KLHDC4: variants seen among roughly 807,000 people sequenced by gnomAD.
KLHDC4 encodes the protein kelch domain-containing protein 4.
In KLHDC4, 90 loss-of-function variants were observed where a neutral mutation model predicts 62.4. That is an observed-to-expected ratio of 1.44 (90% CI 1.22 to 1.72). KLHDC4 has a LOEUF of 1.72. Among genes scored for constraint, KLHDC4 ranks in the 40% most tolerant of loss-of-function variants. KLHDC4 has a pLI of 0.00. For synonymous variants in KLHDC4, 386 were observed against 284.4 expected, an observed-to-expected ratio of 1.36 and a Z score of -3.59; for missense variants, 1,025 against 699.7, an observed-to-expected ratio of 1.47 and a Z score of -5.25.
In KLHDC4 at chr16:87,765,968, G is replaced by C. The variant is rs1021483569; in HGVS notation, c.-78C>G. 2.9e-6 allele frequency: 4 copies of C among 1,397,610 alleles called. No homozygotes were observed. Among genetic ancestry groups the C allele is most frequent in the South Asian group, 2.5e-5 (2 of 80,636 alleles). The allele number at this position is 1,397,610 out of a possible 1,614,324, so 86.6% of individuals were successfully genotyped here. ...TCTCCGCTCGGAAACAGGTGCTCGT[G>C]GGGCGGAGCTCGGCGCACAGAAATG... On this transcript the variant is annotated 5_prime_UTR_variant, in exon 1 of 12. Transcript: ENST00000270583.
chr16:87,736,943 G>A (rs2041417605), intron 5 of KLHDC4, among the ~76,000 whole-genome samples: 1 of 151,504 alleles, frequency 6.6e-6, no homozygotes, highest in Non-Finnish European at 1.5e-5. Flanking sequence ...TGGCCAACAT[G>A]GTAAAACCCT....
At chr16:87,765,253 G>A (rs576202507) in intron 1 of KLHDC4, 3 of 456,104 alleles carry the variant, frequency 6.6e-6, no homozygotes, top group Admixed American at 4.7e-5. Context: ...GCCATCAGCT[G>A]CTACGGGATA....
intron 5 of KLHDC4, among the ~76,000 whole-genome samples, chr16:87,747,017 C>T (rs1268479457): frequency 6.6e-6 from 1 of 152,230 alleles, no homozygotes; most frequent in East Asian, 1.9e-4. Flanking sequence ...CAGCTGCCGG[C>T]CCAAGAGAGG....
intron 4 of KLHDC4, among the ~76,000 whole-genome samples, chr16:87,749,735 C>T (rs1395434509): frequency 6.6e-6 from 1 of 152,104 alleles, no homozygotes; most frequent in Non-Finnish European, 1.5e-5. Flanking sequence ...AGGCATGTGA[C>T]ATCATGCCCA....
chr16:87,726,793 A>G lies in KLHDC4; in HGVS notation c.731T>C (p.Ile244Thr). ...TTTCGAGTAGCCCCCATAGACGACG[A>G]TGCCGCCCTGGGGAGTGACGGACAT... ...CQMSVTPQGG[I>T]VVYGGYSKQR... is the part of the protein sequence containing the mutation. Residue 244 changes from isoleucine (I) to threonine (T), a missense_variant, in exon 7 of 12, where the codon ATC becomes ACC. Transcript: ENST00000270583. 2.5e-6 allele frequency: 4 copies of G among 1,598,924 alleles called. No individual in the cohort carries two copies. The highest frequency in any genetic ancestry group is 3.4e-6 in the Non-Finnish European group (4 of 1,173,954).
At chr16:87,734,885 A>C (rs1485329446) in intron 5 of KLHDC4, among the ~76,000 whole-genome samples, 2 of 151,810 alleles carry the variant, frequency 1.3e-5, no homozygotes, top group Non-Finnish European at 2.9e-5. Flanking sequence ...AGAAAACCCC[A>C]CACATGCGGA....
At chr16:87,741,292 G>A (rs2042203683) in intron 5 of KLHDC4, among the ~76,000 whole-genome samples, 2 of 152,244 alleles carry the variant, frequency 1.3e-5, no homozygotes, top group Non-Finnish European at 2.9e-5. Flanking sequence ...CAGAGGCCCA[G>A]GCGCCCTGCT....
chr16:87,762,866 C>T (rs982485542), intron 1 of KLHDC4, among the ~76,000 whole-genome samples: 5 of 152,108 alleles, frequency 3.3e-5, no homozygotes, highest in African/African-American at 1.2e-4. Flanking sequence ...CTGCTTGCAA[C>T]TACACACACC....
chr16:87,739,258 C>A (rs1261480443), intron 5 of KLHDC4, among the ~76,000 whole-genome samples: 1 of 134,990 alleles, frequency 7.4e-6, no homozygotes, highest in African/African-American at 3.0e-5. Flanking sequence ...CATCCACACA[C>A]CAGCATCTCA....
At chr16:87,729,741 C>G (rs2040005753) in intron 6 of KLHDC4, among the ~76,000 whole-genome samples, 2 of 152,210 alleles carry the variant, frequency 1.3e-5, no homozygotes, top group East Asian at 3.9e-4. Flanking sequence ...TATCACTGCT[C>G]TCCCGGACAG....
chr16:87,762,080 G>T (rs367662354), intron 1 of KLHDC4, 40 bp from the exon 2 acceptor site: 1 of 1,604,398 alleles, frequency 6.2e-7, no homozygotes, highest in South Asian at 1.1e-5. Context: ...CTTATTCCCA[G>T]GACCCGCCGC....
At chr16:87,760,026 C>T (rs1404077507) in intron 2 of KLHDC4, among the ~76,000 whole-genome samples, 3 of 152,056 alleles carry the variant, frequency 2.0e-5, no homozygotes, top group East Asian at 3.9e-4. Context: ...GTCATTCTCA[C>T]AAGGTTTTAA....
Position 87,755,193 on chromosome 16 carries a change from C to T in KLHDC4, c.369+1G>A. ...TGGCTGAGAGTCAGTGCTGACATTA[C>T]CTGGTGAGCACAGCGCCTCGGAGGT... On this transcript the variant is annotated splice_donor_variant, in intron 4 of 11. Transcript: ENST00000270583. LOFTEE classifies it high-confidence loss of function. 1 of 1,600,716 alleles carries T rather than the reference C, an allele frequency of 6.2e-7. No individual in the cohort carries two copies. Among genetic ancestry groups the T allele is most frequent in the Non-Finnish European group, 8.6e-7 (1 of 1,168,128 alleles).
downstream of KLHDC4, chr16:87,707,810 G>A (rs2034940125): frequency 6.2e-5 from 24 of 385,884 alleles, no homozygotes; most frequent in South Asian, 4.6e-4. Context: ...CCTCCGCGGT[G>A]GTCTTGTTTC....
intron 4 of KLHDC4, among the ~76,000 whole-genome samples, chr16:87,753,633 C>G (rs144454818): frequency 6.6e-6 from 1 of 150,892 alleles, no homozygotes; most frequent in Non-Finnish European, 1.5e-5. Flanking sequence ...AACCCCGTCT[C>G]TACTGAAAAT....
At chr16:87,701,369 T>A (rs1169875972) in exon 1 of KLHDC4, 1 of 317,472 alleles carries the variant, frequency 3.1e-6, no homozygotes, top group Non-Finnish European at 6.3e-6. Flanking sequence ...AGCTGAATGC[T>A]CCTCCCAAGC....
intron 7 of KLHDC4, among the ~76,000 whole-genome samples, chr16:87,722,175 G>C (rs1218794490): frequency 6.6e-6 from 1 of 152,222 alleles, no homozygotes; most frequent in Non-Finnish European, 1.5e-5. Flanking sequence ...TAGGATACAA[G>C]TCATCATAGT....
At position 87,741,820 on chromosome 16, in the gene KLHDC4, G is replaced by A. The variant is rs151146646; in HGVS notation, c.506+6853C>T. On this transcript the variant is annotated intron_variant, in intron 5 of 11. Coordinates refer to ENST00000270583, the MANE Select transcript of KLHDC4 (RefSeq NM_017566.4). ...GCGCCTCTACCAATATTTAATTCCC[G>A]CCAACTTCACATCCTCGGCTGAAAA... 1.4e-4 allele frequency among the ~76,000 whole-genome samples: 21 copies of A among 152,194 alleles called. No individual in the cohort carries two copies. In the East Asian group the frequency reaches 2.7e-3, roughly 20 times the overall value.
rs201422258 is a variant in KLHDC4 at position 87,709,377 on chromosome 16, G to A, written c.1335C>T (p.Tyr445=). The A allele has an allele frequency of 5.1e-5, 82 of 1,613,456 alleles. No homozygotes were observed. The highest frequency in any genetic ancestry group is 1.6e-4 in the Middle Eastern group (1 of 6,062). Residue 445 remains tyrosine (Y), a synonymous_variant, in exon 10 of 12, where the codon TAC becomes TAT. Transcript: ENST00000270583. ...CGGCCTCAAACATGCCCCCATAGAC[G>A]TAGAGCACCCCATGCTTCACAGCCA... ...AMLAVKHGVL[Y]VYGGMFEAGD...
Sources: allele counts gnomAD v4.1 joint callset (sites outside exome capture counted in the v4.1 genomes callset), GRCh38; gene constraint gnomAD v4.1.1; transcripts MANE v1.5; gene names NCBI Gene and HGNC (gene_info 2026-07-23, HGNC 2026-07-21).